Variants in CDH13 observed in about 807,000 individuals in gnomAD.
CDH13 encodes the protein cadherin-13.
A neutral mutation model predicts 63.8 loss-of-function variants in CDH13; 24 were observed. The observed-to-expected ratio is 0.38, with a 90% CI of 0.27 to 0.53. CDH13 has a LOEUF of 0.53. Among genes scored for constraint, CDH13 ranks in the 20% least tolerant of loss-of-function variants. The pLI, the probability that CDH13 is intolerant of heterozygous loss-of-function variation, is 0.85. For synonymous variants in CDH13, 503 were observed against 355.3 expected, an observed-to-expected ratio of 1.42 and a Z score of -4.67; for missense variants, 1,049 against 903.1, an observed-to-expected ratio of 1.16 and a Z score of -2.07.
At chr16:83,307,007 A>G (rs2089896930) in intron 5 of CDH13, among the ~76,000 whole-genome samples, 1 of 152,242 alleles carries the variant, frequency 6.6e-6, no homozygotes, top group Non-Finnish European at 1.5e-5. Flanking sequence ...GAATAGTGGA[A>G]CAAATTAAAC....
At chr16:82,834,251 C>A (rs2038669394) in intron 1 of CDH13, among the ~76,000 whole-genome samples, 1 of 152,148 alleles carries the variant, frequency 6.6e-6, no homozygotes, top group South Asian at 2.1e-4. Flanking sequence ...GCATGAAAAG[C>A]AGGGGCCTGC....
chr16:82,669,986 T>A (rs1355321387), intron 1 of CDH13, among the ~76,000 whole-genome samples: 2 of 152,220 alleles, frequency 1.3e-5, no homozygotes, highest in Non-Finnish European at 2.9e-5. Flanking sequence ...AGAGAAACCA[T>A]TATGCAGTTT....
chr16:83,496,220 G>T (rs2074140309), intron 7 of CDH13, among the ~76,000 whole-genome samples: 2 of 151,206 alleles, frequency 1.3e-5, no homozygotes, highest in Admixed American at 1.3e-4. Flanking sequence ...TAAGCCAAAA[G>T]AACAAAGCTG....
chr16:83,389,886 A>G (rs1277935886), intron 6 of CDH13, among the ~76,000 whole-genome samples: 1 of 152,334 alleles, frequency 6.6e-6, no homozygotes. Flanking sequence ...GTGCATCTGC[A>G]TGCAGACAGG....
At chr16:83,666,113 A>G (rs1490816564) in intron 8 of CDH13, among the ~76,000 whole-genome samples, 3 of 152,214 alleles carry the variant, frequency 2.0e-5, no homozygotes, top group Non-Finnish European at 1.5e-5. Flanking sequence ...ATTTTTTCCA[A>G]TTAAAGGTAG....
At chr16:83,577,465 A>G (rs1461021960) in intron 7 of CDH13, among the ~76,000 whole-genome samples, 1 of 152,206 alleles carries the variant, frequency 6.6e-6, no homozygotes, top group Non-Finnish European at 1.5e-5. Flanking sequence ...AGACCTGCAC[A>G]CTGACATTTA....
At chr16:82,754,391 T>A (rs4238723) in intron 1 of CDH13, among the ~76,000 whole-genome samples, 62,103 of 151,982 alleles carry the variant, frequency 0.41, 13,332 homozygotes, top group South Asian at 0.48. Context: ...ATTGTCTCCA[T>A]TTCATTTTAG....
intron 4 of CDH13, among the ~76,000 whole-genome samples, chr16:83,135,087 C>G (rs913545665): frequency 1.8e-4 from 27 of 152,182 alleles, no homozygotes; most frequent in African/African-American, 5.5e-4. Context: ...TCAAATTGGA[C>G]TAGAATGTTC....
intron 1 of CDH13, among the ~76,000 whole-genome samples, chr16:82,838,970 C>T (rs1285370706): frequency 6.6e-6 from 1 of 152,232 alleles, no homozygotes; most frequent in Non-Finnish European, 1.5e-5. Context: ...TGGGCAGCTA[C>T]ACTACTCTAC....
intron 6 of CDH13, among the ~76,000 whole-genome samples, chr16:83,410,304 T>G (rs765920596): frequency 2.6e-5 from 4 of 152,248 alleles, no homozygotes; most frequent in Admixed American, 6.5e-5. Context: ...ATTTATTTAT[T>G]GCTTTTACTC....
chr16:83,238,705 G>T (rs1567530436), intron 5 of CDH13, among the ~76,000 whole-genome samples: 1 of 151,524 alleles, frequency 6.6e-6, no homozygotes, highest in Non-Finnish European at 1.5e-5. Flanking sequence ...AAATCTTTCA[G>T]AAATAACATT....
chr16:83,625,934 T>C (rs556354138), intron 8 of CDH13, among the ~76,000 whole-genome samples: 1 of 151,864 alleles, frequency 6.6e-6, no homozygotes, highest in Admixed American at 6.6e-5. Context: ...AAGTCAGGTG[T>C]ATTGGGGTCT....
At chr16:83,218,236 G>A (rs2039597264) in intron 5 of CDH13, among the ~76,000 whole-genome samples, 1 of 152,208 alleles carries the variant, frequency 6.6e-6, no homozygotes, top group South Asian at 2.1e-4. Flanking sequence ...GAGGCATAAA[G>A]TGCTGGACAG....
chr16:83,367,513 G>C (rs1189499039), intron 6 of CDH13, among the ~76,000 whole-genome samples: 1 of 152,100 alleles, frequency 6.6e-6, no homozygotes, highest in Admixed American at 6.6e-5. Flanking sequence ...TATATATCTG[G>C]GAATGGAATT....
At chr16:82,686,414 C>T (rs939179199) in intron 1 of CDH13, among the ~76,000 whole-genome samples, 1 of 152,168 alleles carries the variant, frequency 6.6e-6, no homozygotes, top group Admixed American at 6.5e-5. Flanking sequence ...TGGGTGCCAG[C>T]TTCCCTTGTG....
intron 2 of CDH13, among the ~76,000 whole-genome samples, chr16:82,960,005 G>T (rs1597299642): frequency 6.6e-6 from 1 of 152,144 alleles, no homozygotes; most frequent in Admixed American, 6.6e-5. Flanking sequence ...TTTCCAGAGC[G>T]GCTATACCAT....
At chr16:83,384,521 C>G (rs553773880) in intron 6 of CDH13, among the ~76,000 whole-genome samples, 1 of 152,300 alleles carries the variant, frequency 6.6e-6, no homozygotes, top group African/African-American at 2.4e-5. Context: ...TTGAGCTGCC[C>G]CAAGGGCATA....
At chr16:83,652,018 CT>C (rs1441027853) in intron 8 of CDH13, among the ~76,000 whole-genome samples, 2 of 152,168 alleles carry the variant, frequency 1.3e-5, no homozygotes, top group Admixed American at 6.5e-5. Flanking sequence ...TTTAATCCTC[CT>C]TATCTCATTG....
At chr16:82,996,732 GTGA>G (rs1567728102) in intron 2 of CDH13, among the ~76,000 whole-genome samples, 1 of 152,106 alleles carries the variant, frequency 6.6e-6, no homozygotes, top group East Asian at 1.9e-4. Flanking sequence ...GATGATGGTA[GTGA>G]TGATGATTAT....
Sources: allele counts gnomAD v4.1 joint callset (sites outside exome capture counted in the v4.1 genomes callset), GRCh38; gene constraint gnomAD v4.1.1; transcripts MANE v1.5; gene names NCBI Gene and HGNC (gene_info 2026-07-23, HGNC 2026-07-21).